The following RAE1 variants were observed in gnomAD, a reference collection of about 807,000 sequenced individuals.
RAE1 encodes the protein mRNA export factor RAE1.
In RAE1, 13 loss-of-function variants were observed where a neutral mutation model predicts 52.7. That is an observed-to-expected ratio of 0.25 (90% CI 0.16 to 0.39). RAE1 has a LOEUF of 0.39. Ranked by LOEUF, RAE1 falls within the 10% of genes least tolerant of loss-of-function variation. The probability of loss-of-function intolerance (pLI) is 1.00; values close to 1 mark genes in which losing one functional copy is unlikely to be tolerated. For missense variants in RAE1, 262 were observed against 459.8 expected, an observed-to-expected ratio of 0.57 and a Z score of 3.93; for synonymous variants, 164 against 153.1, an observed-to-expected ratio of 1.07 and a Z score of -0.52.
At position 57,360,633 on chromosome 20, in the gene RAE1, T is replaced by C. The variant is rs530146951; in HGVS notation, c.288+4095T>C. ...TACTGTGTCTTCAGGGTATTAAAGC[T>C]ACTTTCGTAGTATGTTTTATTTCAA... is the stretch of plus-strand genomic sequence containing the variant. On this transcript the variant is annotated intron_variant, in intron 4 of 11. Coordinates refer to ENST00000395841, the MANE Select transcript of RAE1 (RefSeq NM_003610.4). 9.8e-5 allele frequency among the ~76,000 whole-genome samples: 15 copies of C among 152,386 alleles called. No individual in the cohort carries two copies. In the East Asian group the frequency reaches 2.9e-3, roughly 29 times the overall value.
Position 57,374,639 on chromosome 20 carries a change from C to T in RAE1, c.858C>T (p.Gly286=). The T allele has an allele frequency of 6.2e-7, 1 of 1,613,994 alleles. No individual in the cohort carries two copies. Among genetic ancestry groups the T allele is most frequent in the Non-Finnish European group, 8.5e-7 (1 of 1,179,912 alleles). The part of the protein sequence containing the change: ...VNGIAFHPVH[G]TLATVGSDGR... ...GAATCGCGTTCCATCCTGTTCATGGCACCCTTGCAACTGTGGGATCTGATG... is the reference window on the plus strand; with the variant it reads ...GAATCGCGTTCCATCCTGTTCATGGTACCCTTGCAACTGTGGGATCTGATG... The change falls in exon 11 of 12, where the codon GGC becomes GGT. Residue 286 remains glycine (G), a synonymous_variant. Transcript: ENST00000395841.
chr20:57,362,368 T>C (rs760247997), intron 4 of RAE1, among the ~76,000 whole-genome samples: 9 of 152,220 alleles, frequency 5.9e-5, no homozygotes, highest in Non-Finnish European at 1.3e-4. Flanking sequence ...CATTAATAGA[T>C]ATATGAAAAG....
In RAE1 at chr20:57,378,002, GCT is replaced by G. The variant is rs2067140701; in HGVS notation, c.1021-6_1021-5del. 5 of 1,567,414 alleles carry G rather than the reference GCT, an allele frequency of 3.2e-6. No homozygotes were observed. The highest frequency in any genetic ancestry group is 4.4e-6 in the Non-Finnish European group (5 of 1,149,340). Reference sequence around the variant, plus strand: ...AATAATAAGATCATTGGTGTTTTTTGCTCTCTTTAGGGACATGAATTTTATAA... The same window carrying G: ...AATAATAAGATCATTGGTGTTTTTTGCTCTTTAGGGACATGAATTTTATAA... On this transcript the variant is annotated splice_polypyrimidine_tract_variant and intron_variant, in intron 11 of 11. Coordinates refer to ENST00000395841, the MANE Select transcript of RAE1 (RefSeq NM_003610.4).
chr20:57,361,315 T>G (rs1323294376), intron 4 of RAE1, among the ~76,000 whole-genome samples: 1 of 152,108 alleles, frequency 6.6e-6, no homozygotes, highest in African/African-American at 2.4e-5. Context: ...TTATACATAG[T>G]GGAGGATTTA....
chr20:57,367,930 G>A (rs956698555), intron 7 of RAE1, among the ~76,000 whole-genome samples: 2 of 151,758 alleles, frequency 1.3e-5, no homozygotes, highest in African/African-American at 2.4e-5. Flanking sequence ...TTGCTCTGTC[G>A]CCAGGCTGGA....
Position 57,366,887 on chromosome 20 carries a change from T to G in RAE1, c.456T>G (p.Thr152=), listed in dbSNP as rs1185795534. The G allele has an allele frequency of 1.2e-6, 2 of 1,610,686 alleles. No homozygotes were observed. Among genetic ancestry groups the G allele is most frequent in the Non-Finnish European group, 1.7e-6 (2 of 1,176,838 alleles). ...TGATGACTGGGAGCTGGGATAAGACTTTAAAGGTATAATGTGCAGTTGAGG... is the reference window on the plus strand; with the variant it reads ...TGATGACTGGGAGCTGGGATAAGACGTTAAAGGTATAATGTGCAGTTGAGG... ...SCVMTGSWDK[T]LKFWDTRSSN... Residue 152 remains threonine (T), a synonymous_variant, in exon 6 of 12, where the codon ACT becomes ACG. Transcript: ENST00000395841.
intron 2 of RAE1, among the ~76,000 whole-genome samples, chr20:57,354,446 A>T (rs537502353): frequency 6.6e-6 from 1 of 152,222 alleles, no homozygotes; most frequent in Admixed American, 6.5e-5. Flanking sequence ...ACTGTGATCT[A>T]GCACTGTGGG....
At chr20:57,377,966 A>C (rs1406322209) in intron 11 of RAE1, 47 bp from the exon 12 acceptor site, 1 of 1,440,716 alleles carries the variant, frequency 6.9e-7, no homozygotes, top group Non-Finnish European at 9.6e-7. Context: ...ACAAATGCTA[A>C]CTTTCTTTTG....
intron 10 of RAE1, 70 bp downstream of exon 10, chr20:57,373,808 T>G (rs2067071477): frequency 3.3e-6 from 5 of 1,496,206 alleles, no homozygotes; most frequent in African/African-American, 1.4e-5. Context: ...TGAGGAATTG[T>G]GGGATCAGAA....
chr20:57,352,274 A>G (rs1284973265), intron 1 of RAE1, among the ~76,000 whole-genome samples: 1 of 152,230 alleles, frequency 6.6e-6, no homozygotes, highest in Non-Finnish European at 1.5e-5. Context: ...CATCACCCCA[A>G]GAAGTTCGGA....
intron 8 of RAE1, among the ~76,000 whole-genome samples, chr20:57,370,535 C>T (rs139922961): frequency 1.8e-3 from 270 of 152,332 alleles, no homozygotes; most frequent in African/African-American, 6.2e-3. Context: ...TACCTCATTC[C>T]TGTGCTCCTG....
At chr20:57,356,185 A>G (rs75403558) in intron 3 of RAE1, among the ~76,000 whole-genome samples, 6,051 of 152,324 alleles carry the variant, frequency 0.04, 181 homozygotes, top group African/African-American at 0.089. Flanking sequence ...TTCTACTTTA[A>G]AAGACATATC....
intron 8 of RAE1, 114 bp downstream of exon 8, chr20:57,368,926 G>A: frequency 2.4e-6 from 2 of 820,290 alleles, no homozygotes; most frequent in South Asian, 1.6e-5. Context: ...GTTCAAAGAG[G>A]GGTGAATTGA....
chr20:57,373,908 GT>G (rs1216740971), intron 10 of RAE1, among the ~76,000 whole-genome samples, 170 bp downstream of exon 10: 1 of 152,146 alleles, frequency 6.6e-6, no homozygotes, highest in Non-Finnish European at 1.5e-5. Flanking sequence ...TTTTGTTGTT[GT>G]TTTTGAGACG....
chr20:57,352,140 A>C (rs955076038), intron 1 of RAE1: 1 of 219,594 alleles, frequency 4.6e-6, no homozygotes, highest in Non-Finnish European at 7.5e-6. Context: ...TTAAAAAAGA[A>C]TACGTGTGAC....
At chr20:57,356,297 T>C (rs925849752) in intron 3 of RAE1, 149 bp from the exon 4 acceptor site, 1 of 557,930 alleles carries the variant, frequency 1.8e-6, no homozygotes, top group African/African-American at 1.9e-5. Context: ...TTCATAGATA[T>C]TTTAATTCCT....
In RAE1 at chr20:57,354,825, T is replaced by C. The variant is rs4811837; in HGVS notation, c.195+9T>C. On this transcript the variant is annotated intron_variant, in intron 3 of 11. Coordinates refer to ENST00000395841, the MANE Select transcript of RAE1 (RefSeq NM_003610.4). ...GATCATGGGCTAATGATGTAAGTGC[T>C]CCTTAAATACGTGTTCTAGAAATCA... 579,743 of 1,563,482 alleles carry C rather than the reference T, an allele frequency of 0.37. 109,568 individuals are homozygous for C. Among genetic ancestry groups the C allele is most frequent in the African/African-American group, 0.5 (36,356 of 72,064 alleles).
chr20:57,365,842 T>C (rs2066947618), intron 5 of RAE1, among the ~76,000 whole-genome samples: 1 of 152,180 alleles, frequency 6.6e-6, no homozygotes, highest in African/African-American at 2.4e-5. Flanking sequence ...GGGCCAGTAA[T>C]AGAGCAGCGA....
At chr20:57,369,546 A>G (rs1227185714) in intron 8 of RAE1, among the ~76,000 whole-genome samples, 2 of 152,234 alleles carry the variant, frequency 1.3e-5, no homozygotes, top group African/African-American at 4.8e-5. Flanking sequence ...GCCCTTCTGT[A>G]TAGCCATCTT....
Sources: allele counts gnomAD v4.1 joint callset (sites outside exome capture counted in the v4.1 genomes callset), GRCh38; gene constraint gnomAD v4.1.1; transcripts MANE v1.5; gene names NCBI Gene and HGNC (gene_info 2026-07-23, HGNC 2026-07-21).